TADA1: variants seen among roughly 807,000 people sequenced by gnomAD.
TADA1 encodes the protein transcriptional adaptor 1.
In TADA1, 23 loss-of-function variants were observed where a neutral mutation model predicts 39.3. The observed-to-expected ratio is 0.58, with a 90% CI of 0.42 to 0.83. The LOEUF (loss-of-function observed/expected upper bound fraction) is 0.83. TADA1 is among the 40% of genes least tolerant of loss of function. The pLI is 0.00. For missense variants in TADA1, 352 were observed against 408.1 expected (o/e 0.86, Z 1.18); for synonymous variants, 137 against 151.8 (o/e 0.90, Z 0.72).
intron 2 of TADA1, 120 bp from the exon 3 acceptor site, chr1:166,869,630 A>ATTTT: frequency 7.7e-6 from 10 of 1,298,080 alleles, no homozygotes; most frequent in Non-Finnish European, 9.5e-6. Flanking sequence ...TTTATACTTA[A>ATTTT]AGTATCCACA....
intron 1 of TADA1, among the ~76,000 whole-genome samples, chr1:166,874,891 C>G (rs570862874): frequency 6.6e-6 from 1 of 152,194 alleles, no homozygotes; most frequent in Non-Finnish European, 1.5e-5. Context: ...TTTATAGTTT[C>G]CATTATTATC....
At chr1:166,865,539 T>C (rs1009398797) in intron 3 of TADA1, among the ~76,000 whole-genome samples, 4 of 149,668 alleles carry the variant, frequency 2.7e-5, no homozygotes, top group Non-Finnish European at 4.4e-5. Flanking sequence ...CAAGGCCGGG[T>C]GCGGTGGCTC....
In TADA1 at chr1:166,857,694, T is replaced by A. The variant is rs747884417; in HGVS notation, c.881A>T (p.His294Leu). The A allele has an allele frequency of 1.9e-6, 3 of 1,613,634 alleles. No homozygotes were observed. Among genetic ancestry groups the A allele is most frequent in the South Asian group, 1.1e-5 (1 of 90,866 alleles). ...TTCAATGTTAAGAGCATAGACAGTA[T>A]GTGTAGGGATGACTTCCCTGTGCAC... is the stretch of plus-strand genomic sequence containing the variant. The part of the protein sequence containing the change: ...LQVHREVIPT[H>L]TVYALNIERI... The change falls in exon 8 of 8, where the codon CAT (histidine) becomes CTT (leucine). Residue 294 changes from histidine (H) to leucine (L), a missense_variant. By Grantham distance (99) the His-to-Leu change is moderately conservative. This residue lies in a region of TADA1 where 285 missense variants were observed against 310.9 expected (regional missense o/e 0.92). Transcript: ENST00000367874.
chr1:166,862,643 TTATTC>T, intron 4 of TADA1: 2 of 564,656 alleles, frequency 3.5e-6, no homozygotes, highest in Middle Eastern at 9.4e-4. Context: ...GCGTAGTAGT[TTATTC>T]TATTCAATTA....
chr1:166,858,665 A>G (rs1371415922), intron 6 of TADA1, among the ~76,000 whole-genome samples: 2 of 152,260 alleles, frequency 1.3e-5, no homozygotes, highest in Non-Finnish European at 2.9e-5. Context: ...CAGAAGCAAC[A>G]GGCAAAAATG....
intron 5 of TADA1, among the ~76,000 whole-genome samples, chr1:166,861,220 C>T (rs981899458): frequency 6.6e-6 from 1 of 152,152 alleles, no homozygotes; most frequent in Non-Finnish European, 1.5e-5. Context: ...TCGTCCCAGG[C>T]TACCATTATT....
At chr1:166,867,190 T>A (rs10800272) in intron 3 of TADA1, among the ~76,000 whole-genome samples, 63,343 of 151,738 alleles carry the variant, frequency 0.42, 13,371 homozygotes, top group Middle Eastern at 0.51. Flanking sequence ...AAACCTACAC[T>A]TGAACCTAAG....
At chr1:166,865,452 C>G (rs1658507677) in intron 3 of TADA1, among the ~76,000 whole-genome samples, 1 of 151,086 alleles carries the variant, frequency 6.6e-6, no homozygotes, top group South Asian at 2.1e-4. Flanking sequence ...TTTTTTTAAC[C>G]ATGAACATAT....
intron 1 of TADA1, among the ~76,000 whole-genome samples, chr1:166,873,580 A>G (rs1222462020): frequency 6.6e-6 from 1 of 152,246 alleles, no homozygotes; most frequent in Non-Finnish European, 1.5e-5. Flanking sequence ...TGGAGGAAAT[A>G]TAAGAAATGA....
At chr1:166,857,827 C>A in intron 7 of TADA1, 108 bp from the exon 8 acceptor site, 1 of 1,218,930 alleles carries the variant, frequency 8.2e-7, no homozygotes, top group Non-Finnish European at 1.1e-6. Flanking sequence ...TATAAACTTT[C>A]AGTCATACAC....
At chr1:166,858,014 A>G in intron 7 of TADA1, 105 bp downstream of exon 7, 1 of 1,416,846 alleles carries the variant, frequency 7.1e-7, no homozygotes, top group Non-Finnish European at 9.6e-7. Context: ...AAACTGAAAA[A>G]CACAAAGCCA....
intron 1 of TADA1, among the ~76,000 whole-genome samples, chr1:166,874,302 T>C (rs1303331428): frequency 6.6e-6 from 1 of 150,494 alleles, no homozygotes; most frequent in Non-Finnish European, 1.5e-5. Context: ...ATCATGCCAC[T>C]GCACCCCAGC....
intron 1 of TADA1, among the ~76,000 whole-genome samples, chr1:166,873,247 G>A (rs1200023685): frequency 6.6e-6 from 1 of 152,094 alleles, no homozygotes; most frequent in Non-Finnish European, 1.5e-5. Context: ...CTCCAGCCTG[G>A]GTGACAAAGT....
chr1:166,859,261 C>A (rs150582453), intron 6 of TADA1, among the ~76,000 whole-genome samples: 6 of 152,282 alleles, frequency 3.9e-5, no homozygotes, highest in Non-Finnish European at 8.8e-5. Context: ...CCCACCTACA[C>A]CTCCTGCCTT....
chr1:166,866,763 G>T (rs1412420121), intron 3 of TADA1, among the ~76,000 whole-genome samples: 177 of 122,200 alleles, frequency 1.4e-3, no homozygotes, highest in African/African-American at 4.6e-3. Context: ...TTTTTTTTTT[G>T]AGACAGGGTA....
chr1:166,872,286 C>G lies in TADA1; in HGVS notation c.75-2432G>C, dbSNP rs1392532582. Among the ~76,000 whole-genome samples the G allele has an allele frequency of 2.6e-5, 4 of 152,284 alleles. No homozygotes were observed. The South Asian group carries it at 6.2e-4, about 24-fold the overall frequency. On this transcript the variant is annotated intron_variant, in intron 1 of 7. Coordinates refer to ENST00000367874, the MANE Select transcript of TADA1 (RefSeq NM_053053.4). Reference sequence around the variant, plus strand: ...TTCCTGGTGGTAATGAGTGAGAGCTCGCTCACTCTGTGAGTTCCTGCAAGA... The same window carrying G: ...TTCCTGGTGGTAATGAGTGAGAGCTGGCTCACTCTGTGAGTTCCTGCAAGA...
At position 166,869,780 on chromosome 1, in the gene TADA1, A is replaced by C. The variant is rs772678145; in HGVS notation, c.149T>G (p.Leu50Arg). Residue 50 changes from leucine (L) to arginine (R), a missense_variant, in exon 2 of 8, where the codon CTT (leucine) becomes CGT (arginine). Transcript: ENST00000367874. The part of the protein sequence containing the change: ...KEEFDLEAHR[L>R]LTQDNVHSHN... Reference sequence around the variant, plus strand: ...TATTTTACCATTATCCTGTGTGAGAAGTCTATGAGCTTCAAGGTCAAACTC... The same window carrying C: ...TATTTTACCATTATCCTGTGTGAGACGTCTATGAGCTTCAAGGTCAAACTC... The C allele has an allele frequency of 3.1e-6, 5 of 1,613,712 alleles. No homozygotes were observed. In the South Asian group the frequency reaches 5.5e-5, roughly 18 times the overall value.
At chr1:166,870,159 G>C (rs1408504903) in intron 1 of TADA1, among the ~76,000 whole-genome samples, 3 of 152,138 alleles carry the variant, frequency 2.0e-5, no homozygotes, top group Non-Finnish European at 2.9e-5. Flanking sequence ...CCCCACAAAA[G>C]TCCTGTGTTA....
chr1:166,859,814 C>T (rs929153689), intron 6 of TADA1, among the ~76,000 whole-genome samples: 7 of 151,894 alleles, frequency 4.6e-5, no homozygotes, highest in African/African-American at 1.7e-4. Flanking sequence ...CAGCTGTGAC[C>T]CAACAATCAC....
Sources: gnomAD v4.1 joint callset for allele counts (sites outside exome capture counted in the v4.1 genomes callset) on GRCh38, gnomAD v4.1.1 for gene constraint, gnomAD v4.1.1 regional missense constraint, MANE v1.5 for transcripts, NCBI Gene and HGNC (gene_info 2026-07-23, HGNC 2026-07-21) for gene names.